COLEC11: variants seen among roughly 807,000 people sequenced by gnomAD.
The protein encoded by COLEC11 is collectin subfamily member 11.
COLEC11 carries 20 observed loss-of-function variants against 27.3 expected under a neutral mutation model. The observed-to-expected ratio is 0.73, with a 90% CI of 0.51 to 1.06. COLEC11 has a LOEUF of 1.06. COLEC11 is among the 50% of genes least tolerant of loss of function. The pLI, the probability that COLEC11 is intolerant of heterozygous loss-of-function variation, is 0.00. For synonymous variants in COLEC11, 163 were observed against 154.7 expected, an observed-to-expected ratio of 1.05 and a Z score of -0.40; for missense variants, 310 against 383.0, an observed-to-expected ratio of 0.81 and a Z score of 1.59.
At chr2:3,639,971 C>T (rs1665725252) in intron 4 of COLEC11, among the ~76,000 whole-genome samples, 1 of 152,240 alleles carries the variant, frequency 6.6e-6, no homozygotes, top group Non-Finnish European at 1.5e-5. Flanking sequence ...GCCACTCACT[C>T]ATGGCACCAG....
chr2:3,635,819 G>A (rs764714728), intron 3 of COLEC11, among the ~76,000 whole-genome samples: 1 of 152,232 alleles, frequency 6.6e-6, no homozygotes, highest in Non-Finnish European at 1.5e-5. Flanking sequence ...GAGCAGCCTG[G>A]GCCTCAGAGC....
chr2:3,625,974 C>G, intron 3 of COLEC11: 1 of 1,544,216 alleles, frequency 6.5e-7, no homozygotes, highest in Non-Finnish European at 8.9e-7. Context: ...TCTGAGTTGT[C>G]AGGCAGGGAT....
chr2:3,642,981 A>G (rs1048591569), intron 5 of COLEC11, among the ~76,000 whole-genome samples: 1 of 152,200 alleles, frequency 6.6e-6, no homozygotes, highest in African/African-American at 2.4e-5. Context: ...TTGCCCAGCC[A>G]GCAATGGAAT....
intron 3 of COLEC11, chr2:3,617,881 C>T: frequency 1.8e-6 from 1 of 548,840 alleles, no homozygotes; most frequent in African/African-American, 1.9e-5. Flanking sequence ...TGATACCAGC[C>T]ATCCTAACAG....
chr2:3,604,471 G>C lies in COLEC11; in HGVS notation c.130+1G>C. 6.2e-7 allele frequency: 1 copy of C among 1,613,986 alleles called. No individual in the cohort carries two copies. The highest frequency in any genetic ancestry group is 2.2e-5 in the East Asian group (1 of 44,882). On this transcript the variant is annotated splice_donor_variant, in intron 2 of 6. Transcript: ENST00000349077. LOFTEE classifies it high-confidence loss of function. ...CAGATCCTCGTCCCTGGCCTCAAAG[G>C]TAACCGCTCCCTGGACTCTGGGCTG...
intron 2 of COLEC11, chr2:3,606,096 C>T (rs1036696137): frequency 3.2e-6 from 5 of 1,550,294 alleles, no homozygotes; most frequent in South Asian, 1.2e-5. Context: ...TTTGTGGTAG[C>T]GTGTGTGGGT....
chr2:3,643,529 C>A lies in COLEC11; in HGVS notation c.414C>A (p.Phe138Leu), dbSNP rs1408711749. The A allele has an allele frequency of 1.2e-6, 2 of 1,613,692 alleles. No individual in the cohort carries two copies. The highest frequency in any genetic ancestry group is 2.2e-5 in the South Asian group (2 of 91,074). ...QVSQLTSELK[F>L]IKNAVAGVRE... Reference sequence around the variant, plus strand: ...CTCAGCTGACCAGCGAGCTCAAGTTCATCAAGAATGGTATGTGGCTCCCGG... The same window carrying A: ...CTCAGCTGACCAGCGAGCTCAAGTTAATCAAGAATGGTATGTGGCTCCCGG... The change falls in exon 6 of 7, where the codon TTC becomes TTA. Residue 138 changes from phenylalanine to leucine, a missense_variant. By Grantham distance (22) the Phe-to-Leu change is conservative (BLOSUM62 0). Transcript: ENST00000349077.
chr2:3,601,611 T>C (rs1462261652), intron 1 of COLEC11, among the ~76,000 whole-genome samples: 1 of 152,194 alleles, frequency 6.6e-6, no homozygotes, highest in African/African-American at 2.4e-5. Context: ...AGTACCTTTT[T>C]TCCCCCGAGC....
intron 2 of COLEC11, among the ~76,000 whole-genome samples, chr2:3,612,613 A>T (rs564851721): frequency 6.6e-6 from 1 of 152,186 alleles, no homozygotes; most frequent in Admixed American, 6.5e-5. Flanking sequence ...TTTGGTGTGG[A>T]TTAGAGTGGG....
intron 2 of COLEC11, chr2:3,604,973 TTTC>T: frequency 6.9e-6 from 3 of 433,386 alleles, no homozygotes; most frequent in Non-Finnish European, 1.4e-5. Flanking sequence ...AACTTTTTTT[TTTC>T]TTGTTGCTTT....
At chr2:3,609,264 G>A (rs1662984195) in intron 2 of COLEC11, among the ~76,000 whole-genome samples, 1 of 149,470 alleles carries the variant, frequency 6.7e-6, no homozygotes, top group Admixed American at 6.8e-5. Context: ...CTTTAGTAAC[G>A]AGAGTTTGTG....
rs371503718 is a variant in COLEC11 at position 3,612,224 on chromosome 2, A to ACCCACATG, written c.131-1086_131-1085insCCACATGC. On this transcript the variant is annotated intron_variant, in intron 2 of 6. Coordinates refer to ENST00000349077, the MANE Select transcript of COLEC11 (RefSeq NM_024027.5). The stretch of plus-strand genomic sequence containing the variant: ...CACCTATGCACATGCGGACACACGC[A>ACCCACATG]CACACATGCACCCACGCACCCACGC... Among the ~76,000 whole-genome samples, 589 of 145,220 alleles carry ACCCACATG rather than the reference A, an allele frequency of 4.1e-3. 7 individuals are homozygous for ACCCACATG. Among genetic ancestry groups the ACCCACATG allele is most frequent in the South Asian group, 0.021 (103 of 4,814 alleles).
At position 3,619,814 on chromosome 2, in the gene COLEC11, T is replaced by C. The variant is rs1384980203; in HGVS notation, c.202+6432T>C. On this transcript the variant is annotated intron_variant, in intron 3 of 6. Coordinates refer to ENST00000349077, the MANE Select transcript of COLEC11 (RefSeq NM_024027.5). ...CAAATTTTTGTATTTTTAGTAGAGATGAGGTTTCACCATGTTGGCCAGGCT... is the reference window on the plus strand; with the variant it reads ...CAAATTTTTGTATTTTTAGTAGAGACGAGGTTTCACCATGTTGGCCAGGCT... 3.3e-5 allele frequency among the ~76,000 whole-genome samples: 5 copies of C among 152,268 alleles called. No individual in the cohort carries two copies. The East Asian group carries it at 5.8e-4, about 18-fold the overall frequency.
intron 3 of COLEC11, among the ~76,000 whole-genome samples, 192 bp downstream of exon 3, chr2:3,613,574 G>A (rs1349525622): frequency 2.6e-5 from 4 of 152,150 alleles, no homozygotes; most frequent in African/African-American, 7.2e-5. Context: ...ACTGCTCCTT[G>A]TGCTGACCTG....
intron 3 of COLEC11, among the ~76,000 whole-genome samples, chr2:3,617,933 T>C (rs1449439084): frequency 6.6e-6 from 1 of 152,260 alleles, no homozygotes; most frequent in African/African-American, 2.4e-5. Flanking sequence ...TTCTATTTTC[T>C]TGATAATTGA....
At chr2:3,608,281 G>A (rs953576080) in intron 2 of COLEC11, among the ~76,000 whole-genome samples, 1 of 152,202 alleles carries the variant, frequency 6.6e-6, no homozygotes, top group Non-Finnish European at 1.5e-5. Flanking sequence ...GATGGTGGAA[G>A]TGAGCCAGCA....
At chr2:3,604,765 C>T (rs898528505) in intron 2 of COLEC11, among the ~76,000 whole-genome samples, 2 of 152,138 alleles carry the variant, frequency 1.3e-5, no homozygotes, top group Admixed American at 6.5e-5. Context: ...CACATGGCCT[C>T]GTGTGATCCT....
In COLEC11 at chr2:3,643,878, C is replaced by T. The variant is rs553743194; in HGVS notation, c.576C>T (p.Tyr192=). ...CTGCCAATGGCCTGATGGCCGCATA[C>T]CTGGCGCAAGCCGGCCTGGCCCGTG... The part of the protein sequence containing the change: ...DEAANGLMAA[Y]LAQAGLARVF... Residue 192 remains tyrosine (Y), a synonymous_variant, in exon 7 of 7, where the codon TAC becomes TAT. Transcript: ENST00000349077. 81 of 1,613,786 alleles carry T rather than the reference C, an allele frequency of 5.0e-5. No homozygotes were observed. In the East Asian group the frequency reaches 1.2e-3, roughly 24 times the overall value.
intron 1 of COLEC11, chr2:3,603,851 T>C (rs1662423819): frequency 3.3e-6 from 2 of 615,252 alleles, no homozygotes; most frequent in African/African-American, 1.8e-5. Flanking sequence ...GTGGATTCCT[T>C]GTCTGTGAAT....
Sources: allele counts gnomAD v4.1 joint callset (sites outside exome capture counted in the v4.1 genomes callset), GRCh38; gene constraint gnomAD v4.1.1; transcripts MANE v1.5; gene names NCBI Gene and HGNC (gene_info 2026-07-23, HGNC 2026-07-21).